The following TMEM230 variants were observed in gnomAD, a reference collection of about 807,000 sequenced individuals.
The protein encoded by TMEM230 is UPF0414 transmembrane protein C20orf30.
A neutral mutation model predicts 15.8 loss-of-function variants in TMEM230; 10 were observed. That is an observed-to-expected ratio of 0.63 (90% CI 0.39 to 1.07). The LOEUF (loss-of-function observed/expected upper bound fraction) is 1.07, where lower values mean the gene tolerates loss of function less well. Among genes scored for constraint, TMEM230 ranks in the 50% least tolerant of loss-of-function variants. The pLI, the probability that TMEM230 is intolerant of heterozygous loss-of-function variation, is 0.01. For missense variants in TMEM230, 165 were observed against 193.3 expected (o/e 0.85, Z 0.87); for synonymous variants, 67 against 76.9 (o/e 0.87, Z 0.68).
At position 5,100,580 on chromosome 20, in the gene TMEM230, G is replaced by T; in HGVS notation, c.*211C>A. On this transcript the variant is annotated 3_prime_UTR_variant, in exon 5 of 5. Coordinates refer to ENST00000342308, the MANE Select transcript of TMEM230 (RefSeq NM_001009923.2). Reference sequence around the variant, plus strand: ...GATACATATTCCTGTGGAAAAACTTGTCAGGGCCCAGGGATGAAAAATAGA... The same window carrying T: ...GATACATATTCCTGTGGAAAAACTTTTCAGGGCCCAGGGATGAAAAATAGA... The T allele has an allele frequency of 3.0e-6, 4 of 1,344,258 alleles. No homozygotes were observed. Among genetic ancestry groups the T allele is most frequent in the Non-Finnish European group, 3.8e-6 (4 of 1,048,274 alleles). The allele number at this position is 1,344,258 out of a possible 1,614,324, so 83.3% of individuals were successfully genotyped here. A position where few individuals can be genotyped will look rare whatever the true frequency, so the allele number is the denominator to read the frequency against.
chr20:5,110,569 G>A (rs905737633), intron 2 of TMEM230, among the ~76,000 whole-genome samples: 1 of 152,184 alleles, frequency 6.6e-6, no homozygotes, highest in Non-Finnish European at 1.5e-5. Context: ...ACAGGCCACT[G>A]TGCCGGGCCC....
intron 3 of TMEM230, among the ~76,000 whole-genome samples, chr20:5,075,698 C>A (rs1241211998): frequency 4.6e-5 from 7 of 152,026 alleles, no homozygotes; most frequent in African/African-American, 1.7e-4. Flanking sequence ...TCACTCCAGC[C>A]TGGGCGAAAG....
At chr20:5,109,537 T>A in intron 2 of TMEM230, 92 bp from the exon 2 acceptor site, 1 of 981,090 alleles carries the variant, frequency 1.0e-6, no homozygotes, top group Non-Finnish European at 1.6e-6. Context: ...TGCTGTGCAC[T>A]GGAGTTCTGG....
At chr20:5,075,629 G>A (rs2088967470) in intron 3 of TMEM230, among the ~76,000 whole-genome samples, 1 of 151,926 alleles carries the variant, frequency 6.6e-6, no homozygotes, top group Non-Finnish European at 1.5e-5. Context: ...GGAGGATGAA[G>A]CAGGAGAATC....
chr20:5,100,713 C>A lies in TMEM230; in HGVS notation c.*78G>T. Reference sequence around the variant, plus strand: ...TCTGCAAGCTGCAGAATTCCTTAGTCCTCAGCTATAGTTTCTGCTAGATAT... The same window carrying A: ...TCTGCAAGCTGCAGAATTCCTTAGTACTCAGCTATAGTTTCTGCTAGATAT... On this transcript the variant is annotated 3_prime_UTR_variant, in exon 5 of 5. Transcript: ENST00000342308. 3 of 1,559,824 alleles carry A rather than the reference C, an allele frequency of 1.9e-6. No homozygotes were observed. Among genetic ancestry groups the A allele is most frequent in the South Asian group, 2.4e-5 (2 of 84,464 alleles).
chr20:5,059,395 C>T, the TMEM230 span, among the ~76,000 whole-genome samples: 58,396 of 151,394 alleles, frequency 0.39, 11,491 homozygotes, highest in African/African-American at 0.42. Flanking sequence ...GTATATAGCA[C>T]ATGTTGTATA....
At chr20:5,112,532 T>A (rs1248675188) in intron 1 of TMEM230, among the ~76,000 whole-genome samples, 1 of 152,214 alleles carries the variant, frequency 6.6e-6, no homozygotes, top group Non-Finnish European at 1.5e-5. Context: ...GACGAATGTT[T>A]ACTCTTGGCA....
chr20:5,103,563 T>A (rs1385754338), intron 4 of TMEM230, among the ~76,000 whole-genome samples: 1 of 150,912 alleles, frequency 6.6e-6, no homozygotes, highest in African/African-American at 2.4e-5. Context: ...TTTGGGAGGC[T>A]GAGGTTGCAG....
rs183995936 is a variant in TMEM230 at position 5,101,287 on chromosome 20, A to G, written c.412-356T>C. Among the ~76,000 whole-genome samples the G allele has an allele frequency of 3.9e-4, 59 of 152,338 alleles. 1 individual carries two copies. In the South Asian group the frequency reaches 0.011, roughly 28 times the overall value. On this transcript the variant is annotated intron_variant, in intron 4 of 4. Coordinates refer to ENST00000342308, the MANE Select transcript of TMEM230 (RefSeq NM_001009923.2). The stretch of plus-strand genomic sequence containing the variant: ...TGTGTAACATTCCACCGAAATGGAC[A>G]TACTACAGTTTTACCTAACTGCCCC...
At chr20:5,092,487 G>A (rs1323786645) in intron 3 of TMEM230, among the ~76,000 whole-genome samples, 2 of 152,142 alleles carry the variant, frequency 1.3e-5, no homozygotes, top group East Asian at 3.9e-4. Context: ...GGAGGCCGAC[G>A]CAGGCGGATC....
At position 5,113,076 on chromosome 20, in the gene TMEM230, T is replaced by C. The variant is rs2090398368; in HGVS notation, c.-48A>G. 2.6e-6 allele frequency: 4 copies of C among 1,537,234 alleles called. No individual in the cohort carries two copies. The highest frequency in any genetic ancestry group is 1.4e-5 in the African/African-American group (1 of 72,918). On this transcript the variant is annotated 5_prime_UTR_variant, in exon 1 of 5. Coordinates refer to ENST00000342308, the MANE Select transcript of TMEM230 (RefSeq NM_001009923.2). ...CTCAGCCGGCCCCAGGCGGGATCAG[T>C]GCGCCGGAAGTGGCGTGCCGGAAAC...
At chr20:5,090,413 C>A (rs186654688) in intron 3 of TMEM230, among the ~76,000 whole-genome samples, 14 of 152,084 alleles carry the variant, frequency 9.2e-5, no homozygotes, top group African/African-American at 3.4e-4. Flanking sequence ...TCAGAAGTCA[C>A]GCAGGAAGCC....
intron 3 of TMEM230, among the ~76,000 whole-genome samples, chr20:5,092,698 A>C: frequency 6.6e-6 from 1 of 150,818 alleles, no homozygotes; most frequent in Non-Finnish European, 1.5e-5. Flanking sequence ...CTGGGCAACA[A>C]GAGCAAAACT....
chr20:5,112,720 C>CTGTA, intron 1 of TMEM230: 1 of 1,431,760 alleles, frequency 7.0e-7, no homozygotes, highest in South Asian at 1.5e-5. Flanking sequence ...CATTACGCGC[C>CTGTA]TCTACATACG....
rs139272757 is a variant in TMEM230 at position 5,083,158 on chromosome 20, C to G, written c.223-13809G>C. On this transcript the variant is annotated intron_variant, in intron 3 of 3. Transcript: ENST00000612323. ...GGCCATGCTGGTCTCGAACTCCTGACCTCATATGAGCCGCCTGCCTCAGCT... is the reference window on the plus strand; with the variant it reads ...GGCCATGCTGGTCTCGAACTCCTGAGCTCATATGAGCCGCCTGCCTCAGCT... Among the ~76,000 whole-genome samples the G allele has an allele frequency of 4.3e-3, 646 of 151,942 alleles. 2 individuals are homozygous for G. The highest frequency in any genetic ancestry group is 0.014 in the Middle Eastern group (4 of 294).
chr20:5,085,703 A>G (rs2089315250), intron 3 of TMEM230, among the ~76,000 whole-genome samples: 1 of 151,344 alleles, frequency 6.6e-6, no homozygotes. Context: ...AGTCCCAGAC[A>G]AAAAAAAGCC....
At chr20:5,084,059 C>T (rs1483165048) in intron 3 of TMEM230, among the ~76,000 whole-genome samples, 1 of 152,012 alleles carries the variant, frequency 6.6e-6, no homozygotes, top group East Asian at 1.9e-4. Flanking sequence ...TTCTTTGTAC[C>T]CACGTGTGCT....
chr20:5,113,044 A>T lies in TMEM230; in HGVS notation c.-16T>A, dbSNP rs752919179. ...AAGGTTGCATGGCATGGCCCGCTTA[A>T]GTGCCACTCAGCCGGCCCCAGGCGG... is the stretch of plus-strand genomic sequence containing the variant. On this transcript the variant is annotated 5_prime_UTR_variant, in exon 1 of 5. Coordinates refer to ENST00000342308, the MANE Select transcript of TMEM230 (RefSeq NM_001009923.2). The T allele has an allele frequency of 2.3e-5, 36 of 1,544,300 alleles. 1 individual carries two copies. In the Middle Eastern group the frequency reaches 7.9e-4, roughly 34 times the overall value.
downstream of TMEM230, chr20:5,067,393 T>A (rs1414169788): frequency 7.3e-6 from 1 of 137,334 alleles, no homozygotes; most frequent in African/African-American, 2.8e-5. Context: ...TGCCACAATG[T>A]CAACAGTGTT....
Sources: allele counts gnomAD v4.1 joint callset (sites outside exome capture counted in the v4.1 genomes callset), GRCh38; gene constraint gnomAD v4.1.1; transcripts MANE v1.5; gene names NCBI Gene and HGNC (gene_info 2026-07-23, HGNC 2026-07-21).